CNTN4: variants seen among roughly 807,000 people sequenced by gnomAD.
CNTN4 encodes contactin-4.
In CNTN4, 77 loss-of-function variants were observed where a neutral mutation model predicts 122.5. The ratio of observed to expected loss-of-function variants is 0.63; its 90% CI spans 0.52 to 0.76. The LOEUF is 0.76. Ranked by LOEUF, CNTN4 falls within the 30% of genes least tolerant of loss-of-function variation. CNTN4 has a pLI of 0.00. For synonymous variants in CNTN4, 512 were observed against 447.0 expected (o/e 1.15, Z -1.83); for missense variants, 1,256 against 1,259.1 (o/e 1.00, Z 0.04).
chr3:2,630,010 C>T (rs1314605838), intron 4 of CNTN4, among the ~76,000 whole-genome samples: 1 of 152,186 alleles, frequency 6.6e-6, no homozygotes, highest in Non-Finnish European at 1.5e-5. Context: ...GAATCTGCCT[C>T]TCTACCTGCT....
chr3:2,814,329 A>G (rs1041482661), intron 6 of CNTN4, among the ~76,000 whole-genome samples: 4 of 152,356 alleles, frequency 2.6e-5, no homozygotes, highest in East Asian at 3.9e-4. Context: ...TATTTATTCA[A>G]TACTATCTTT....
At chr3:2,674,035 C>T (rs1205100644) in intron 4 of CNTN4, among the ~76,000 whole-genome samples, 3 of 152,166 alleles carry the variant, frequency 2.0e-5, no homozygotes, top group Admixed American at 6.5e-5. Flanking sequence ...GACCTTCCAG[C>T]CCAGCTGATG....
chr3:2,781,747 CGG>C lies in CNTN4; in HGVS notation c.358+36051_358+36052del, dbSNP rs2091578736. Reference sequence around the variant, plus strand: ...TTTTTTTTTTTTTTTTTTTTTGAGACGGAGTGTCGCTCTGTCGCCCAGGCTGG... The same window carrying C: ...TTTTTTTTTTTTTTTTTTTTTGAGACAGTGTCGCTCTGTCGCCCAGGCTGG... On this transcript the variant is annotated intron_variant, in intron 6 of 24. Transcript: ENST00000418658. Among the ~76,000 whole-genome samples, 3 of 99,806 alleles carry C rather than the reference CGG, an allele frequency of 3.0e-5. No individual in the cohort carries two copies. The Admixed American group carries it at 4.0e-4, about 13-fold the overall frequency. 65.5% of individuals were successfully genotyped at this position (99,806 alleles called of 152,430 possible). A position where few individuals can be genotyped will look rare whatever the true frequency, so the allele number is the denominator to read the frequency against.
rs1386690718 is a variant in CNTN4 at position 2,211,986 on chromosome 3, C to G, written c.-145+111347C>G. On this transcript the variant is annotated intron_variant, in intron 2 of 24. Coordinates refer to ENST00000418658, the MANE Select transcript of CNTN4 (RefSeq NM_175607.3). The stretch of plus-strand genomic sequence containing the variant: ...ACTGTTCCTTTCTCTTTCTTTTTTT[C>G]CTTTTGAGATGGGGTCTTGCTCTAT... Among the ~76,000 whole-genome samples the G allele has an allele frequency of 2.0e-5, 3 of 151,726 alleles. No homozygotes were observed. The East Asian group carries it at 5.8e-4, about 29-fold the overall frequency.
chr3:2,309,875 A>G (rs1205152660), intron 2 of CNTN4, among the ~76,000 whole-genome samples: 1 of 152,140 alleles, frequency 6.6e-6, no homozygotes. Flanking sequence ...CAATTCTGGC[A>G]TGCTTGCTTT....
At chr3:2,904,820 A>G (rs2094211947) in intron 12 of CNTN4, among the ~76,000 whole-genome samples, 1 of 152,212 alleles carries the variant, frequency 6.6e-6, no homozygotes, top group Non-Finnish European at 1.5e-5. Context: ...GCCTAATGAA[A>G]TGAATCATAG....
intron 10 of CNTN4, among the ~76,000 whole-genome samples, chr3:2,899,287 T>C (rs1399221306): frequency 1.3e-5 from 2 of 152,212 alleles, no homozygotes; most frequent in African/African-American, 4.8e-5. Context: ...ATTAAAATTA[T>C]GGATGATTTG....
chr3:2,416,456 A>G (rs1405357875), intron 3 of CNTN4, among the ~76,000 whole-genome samples: 1 of 152,198 alleles, frequency 6.6e-6, no homozygotes, highest in Non-Finnish European at 1.5e-5. Context: ...GAGGTAATCT[A>G]ACCATCTTGT....
At chr3:2,410,105 A>G (rs549802039) in intron 3 of CNTN4, among the ~76,000 whole-genome samples, 3 of 152,350 alleles carry the variant, frequency 2.0e-5, no homozygotes, top group African/African-American at 7.2e-5. Flanking sequence ...GAGGGGAAAC[A>G]GAATTCAGTG....
chr3:2,863,014 A>G (rs945841460), intron 7 of CNTN4, among the ~76,000 whole-genome samples: 15 of 152,326 alleles, frequency 9.8e-5, no homozygotes, highest in Admixed American at 2.0e-4. Context: ...TTGGTGCTCC[A>G]GCCTAACCCT....
intron 4 of CNTN4, among the ~76,000 whole-genome samples, chr3:2,693,305 G>A (rs557165773): frequency 6.6e-6 from 1 of 152,120 alleles, no homozygotes; most frequent in African/African-American, 2.4e-5. Context: ...TCAAGATATA[G>A]AACAGAGTTA....
intron 4 of CNTN4, among the ~76,000 whole-genome samples, chr3:2,611,781 G>C (rs1020998): frequency 0.22 from 33,851 of 152,022 alleles, 4,230 homozygotes; most frequent in African/African-American, 0.32. Context: ...TTGGTGAGGA[G>C]ACTAGCCAAG....
chr3:2,388,271 C>G (rs974984218), intron 3 of CNTN4, among the ~76,000 whole-genome samples: 7 of 152,040 alleles, frequency 4.6e-5, no homozygotes, highest in African/African-American at 1.7e-4. Context: ...ATCTGTTTCT[C>G]ATAATTTAAA....
chr3:2,218,550 A>C (rs976526299), intron 2 of CNTN4, among the ~76,000 whole-genome samples: 1 of 152,194 alleles, frequency 6.6e-6, no homozygotes, highest in African/African-American at 2.4e-5. Context: ...AAATAAAAAA[A>C]AGTTTTTTGA....
chr3:2,234,897 C>G (rs1256282441), intron 2 of CNTN4, among the ~76,000 whole-genome samples: 1 of 152,080 alleles, frequency 6.6e-6, no homozygotes, highest in Non-Finnish European at 1.5e-5. Context: ...AACTGGAGAC[C>G]AGAAACTTGT....
At chr3:2,123,824 T>G (rs2033954610) in intron 2 of CNTN4, among the ~76,000 whole-genome samples, 1 of 152,198 alleles carries the variant, frequency 6.6e-6, no homozygotes, top group Non-Finnish European at 1.5e-5. Context: ...CCAGGCAGCT[T>G]GACATCATAG....
Position 2,287,458 on chromosome 3 carries a change from A to T in CNTN4, c.-144-51720A>T, listed in dbSNP as rs150289714. Among the ~76,000 whole-genome samples the T allele has an allele frequency of 4.1e-3, 629 of 151,784 alleles. 4 individuals are homozygous for T. Among genetic ancestry groups the T allele is most frequent in the African/African-American group, 0.015 (608 of 41,410 alleles). On this transcript the variant is annotated intron_variant, in intron 2 of 24. Transcript: ENST00000418658. ...CTCTACAAAAATCACCAAAATTAGC[A>T]GGGCATGGTGGTGCACACCTGTAGT...
intron 3 of CNTN4, among the ~76,000 whole-genome samples, chr3:2,367,981 C>T (rs2045466383): frequency 6.6e-6 from 1 of 150,658 alleles, no homozygotes; most frequent in Admixed American, 6.6e-5. Flanking sequence ...CAGTGGTTCA[C>T]TATAGCTTTA....
intron 2 of CNTN4, among the ~76,000 whole-genome samples, chr3:2,128,779 G>T (rs958742502): frequency 6.6e-6 from 1 of 152,156 alleles, no homozygotes; most frequent in Non-Finnish European, 1.5e-5. Context: ...TTGCACAGGG[G>T]TGAGATGTAA....
Sources: gnomAD v4.1 joint callset for allele counts (sites outside exome capture counted in the v4.1 genomes callset) on GRCh38, gnomAD v4.1.1 for gene constraint, MANE v1.5 for transcripts, NCBI Gene and HGNC (gene_info 2026-07-23, HGNC 2026-07-21) for gene names.